The following DOCK3 variants were observed in gnomAD, a reference collection of about 807,000 sequenced individuals.
DOCK3 encodes dedicator of cytokinesis protein 3.
A neutral mutation model predicts 265.6 loss-of-function variants in DOCK3; 60 were observed. That is an observed-to-expected ratio of 0.23 (90% CI 0.18 to 0.28). The LOEUF (loss-of-function observed/expected upper bound fraction) is 0.28, where lower values mean the gene tolerates loss of function less well. DOCK3 is among the 10% of genes least tolerant of loss of function. The pLI, the probability that DOCK3 is intolerant of heterozygous loss-of-function variation, is 1.00. For synonymous variants in DOCK3, 881 were observed against 938.0 expected, an observed-to-expected ratio of 0.94 and a Z score of 1.11; for missense variants, 1,981 against 2,594.3, an observed-to-expected ratio of 0.76 and a Z score of 5.14.
intron 5 of DOCK3, among the ~76,000 whole-genome samples, chr3:50,979,431 G>T (rs958467189): frequency 6.6e-6 from 1 of 152,036 alleles, no homozygotes; most frequent in Non-Finnish European, 1.5e-5. Flanking sequence ...TGAATGTTTT[G>T]CTGCCCTCCA....
intron 5 of DOCK3, among the ~76,000 whole-genome samples, chr3:50,987,000 A>G (rs1272338367): frequency 6.6e-6 from 1 of 152,226 alleles, no homozygotes; most frequent in Non-Finnish European, 1.5e-5. Context: ...TTCAATTTCT[A>G]GTCCATTTGG....
chr3:50,723,389 G>A (rs1488115654), intron 1 of DOCK3, among the ~76,000 whole-genome samples: 2 of 152,168 alleles, frequency 1.3e-5, no homozygotes, highest in African/African-American at 4.8e-5. Context: ...AGTAATGACT[G>A]GGTGGGTGTG....
chr3:50,930,705 C>T (rs1316913739), intron 4 of DOCK3, among the ~76,000 whole-genome samples: 10 of 152,202 alleles, frequency 6.6e-5, no homozygotes, highest in Non-Finnish European at 7.4e-5. Context: ...TCACAGGCCT[C>T]GGGCCGGCAA....
At chr3:51,070,613 G>T (rs2081821111) in intron 6 of DOCK3, among the ~76,000 whole-genome samples, 1 of 152,132 alleles carries the variant, frequency 6.6e-6, no homozygotes, top group African/African-American at 2.4e-5. Context: ...TAAATATGCT[G>T]TGTTTTCATT....
intron 12 of DOCK3, among the ~76,000 whole-genome samples, chr3:51,171,715 C>CAA (rs779355875): frequency 3.7e-3 from 308 of 83,392 alleles, no homozygotes; most frequent in African/African-American, 0.013. Context: ...GACTCCATCT[C>CAA]AAAAAAAAAA....
intron 27 of DOCK3, among the ~76,000 whole-genome samples, chr3:51,287,104 T>G (rs1478866851): frequency 1.3e-5 from 2 of 152,122 alleles, no homozygotes; most frequent in African/African-American, 4.8e-5. Context: ...TGTAAGGAAC[T>G]TAAATTCACA....
chr3:51,247,026 T>C (rs1019781780), intron 22 of DOCK3, among the ~76,000 whole-genome samples: 1 of 152,210 alleles, frequency 6.6e-6, no homozygotes, highest in East Asian at 1.9e-4. Context: ...AGAGATGATA[T>C]GCACATGGCT....
intron 1 of DOCK3, among the ~76,000 whole-genome samples, chr3:50,735,690 C>T (rs1398524607): frequency 6.6e-6 from 1 of 152,102 alleles, no homozygotes; most frequent in East Asian, 1.9e-4. Context: ...AATAAAGTGT[C>T]TGCCCTTTTT....
intron 23 of DOCK3, among the ~76,000 whole-genome samples, chr3:51,268,572 A>G (rs1465175421): frequency 2.0e-5 from 3 of 152,206 alleles, no homozygotes; most frequent in African/African-American, 7.2e-5. Flanking sequence ...TGCCAGGTAT[A>G]TTGTTAGCCC....
At chr3:50,862,300 G>C (rs889341954) in intron 3 of DOCK3, among the ~76,000 whole-genome samples, 2 of 152,198 alleles carry the variant, frequency 1.3e-5, no homozygotes, top group African/African-American at 4.8e-5. Flanking sequence ...TACATATATC[G>C]TTCAGGGCAG....
Position 51,237,505 on chromosome 3 carries a change from C to G in DOCK3, c.2017C>G (p.Leu673Val). The change falls in exon 21 of 53, where the codon CTG (leucine) becomes GTG (valine). Residue 673 changes from leucine (L) to valine (V), a missense_variant. By Grantham distance (32) the Leu-to-Val change is conservative (BLOSUM62 1). Transcript: ENST00000266037. ...VFQSLVFIINLLRDIKYFHFR... is the reference protein window; with the variant it reads ...VFQSLVFIINVLRDIKYFHFR... ...TATCTCCCAGGTGTTCATCATCAAC[C>G]TGCTCCGAGACATCAAGTATTTTCA... is the stretch of plus-strand genomic sequence containing the variant. 2 of 1,613,376 alleles carry G rather than the reference C, an allele frequency of 1.2e-6. No individual in the cohort carries two copies. The highest frequency in any genetic ancestry group is 2.2e-5 in the South Asian group (2 of 90,832).
intron 9 of DOCK3, among the ~76,000 whole-genome samples, chr3:51,093,895 C>T (rs908865507): frequency 1.7e-4 from 26 of 152,058 alleles, no homozygotes; most frequent in Admixed American, 3.9e-4. Context: ...TTAATTTTAT[C>T]GAAGGCCTTT....
At chr3:50,699,651 C>T (rs2107806537) in intron 1 of DOCK3, among the ~76,000 whole-genome samples, 1 of 152,062 alleles carries the variant, frequency 6.6e-6, no homozygotes, top group African/African-American at 2.4e-5. Flanking sequence ...AGTGTATGCA[C>T]CATATGGCAA....
chr3:51,227,493 A>G, intron 16 of DOCK3, 48 bp downstream of exon 16: 1 of 1,607,718 alleles, frequency 6.2e-7, no homozygotes, highest in Non-Finnish European at 8.5e-7. Context: ...ATATAAATAT[A>G]ACTCTCTCCT....
chr3:51,289,211 T>C (rs1399546650), intron 27 of DOCK3, among the ~76,000 whole-genome samples: 2 of 152,134 alleles, frequency 1.3e-5, no homozygotes. Flanking sequence ...AAATGCTGCA[T>C]GTTCTCACTT....
intron 3 of DOCK3, among the ~76,000 whole-genome samples, chr3:50,881,843 T>C (rs2048045654): frequency 6.6e-6 from 1 of 152,202 alleles, no homozygotes; most frequent in African/African-American, 2.4e-5. Context: ...GCTGGAGGCA[T>C]CATGCTACCT....
chr3:50,898,879 G>A (rs1431220325), intron 4 of DOCK3, among the ~76,000 whole-genome samples: 1 of 152,118 alleles, frequency 6.6e-6, no homozygotes, highest in African/African-American at 2.4e-5. Flanking sequence ...CATTTGCTGA[G>A]GAGTGTTTTA....
At chr3:50,706,282 G>A (rs1243537561) in intron 1 of DOCK3, among the ~76,000 whole-genome samples, 1 of 152,220 alleles carries the variant, frequency 6.6e-6, no homozygotes, top group Admixed American at 6.5e-5. Flanking sequence ...TTTAGGGCCA[G>A]TATAGTCGTT....
intron 5 of DOCK3, among the ~76,000 whole-genome samples, chr3:51,038,015 G>A (rs761649825): frequency 6.6e-6 from 1 of 152,096 alleles, no homozygotes; most frequent in Non-Finnish European, 1.5e-5. Flanking sequence ...TGGATTGTAG[G>A]GTATGTGCCT....
Sources: gnomAD v4.1 joint callset for allele counts (sites outside exome capture counted in the v4.1 genomes callset) on GRCh38, gnomAD v4.1.1 for gene constraint, MANE v1.5 for transcripts, NCBI Gene and HGNC (gene_info 2026-07-23, HGNC 2026-07-21) for gene names.